IL1RAPL2: variants seen among roughly 807,000 people sequenced by gnomAD.
IL1RAPL2 encodes the protein interleukin 1 receptor accessory protein like 2.
Under a neutral mutation model 44.1 loss-of-function variants are expected in IL1RAPL2, and 3 were observed. The ratio of observed to expected loss-of-function variants is 0.07; its 90% confidence interval spans 0.03 to 0.18. The LOEUF (loss-of-function observed/expected upper bound fraction) is 0.18, where lower values mean the gene tolerates loss of function less well. Ranked by LOEUF, IL1RAPL2 falls within the 10% of genes least tolerant of loss-of-function variation. The probability of loss-of-function intolerance (pLI) is 1.00; values close to 1 mark genes in which losing one functional copy is unlikely to be tolerated. For synonymous variants in IL1RAPL2, 181 were observed against 178.8 expected (o/e 1.01, Z -0.10); for missense variants, 391 against 496.4 (o/e 0.79, Z 2.02).
intron 1 of IL1RAPL2, among the ~76,000 whole-genome samples, chrX:104,646,865 G>A (rs765353542): frequency 8.9e-6 from 1 of 111,739 alleles, no homozygotes; most frequent in Non-Finnish European, 1.9e-5. Flanking sequence ...AATGGGGCCA[G>A]GAAGTGCGGT....
At chrX:105,035,703 A>G (rs765363720) in intron 2 of IL1RAPL2, among the ~76,000 whole-genome samples, 1 of 112,684 alleles carries the variant, frequency 8.9e-6, no homozygotes, top group East Asian at 2.8e-4. Flanking sequence ...ATTCTCACAA[A>G]TAAAATATTA....
chrX:104,663,254 A>G (rs1569292284), intron 2 of IL1RAPL2, among the ~76,000 whole-genome samples: 1 of 111,829 alleles, frequency 8.9e-6, no homozygotes, highest in Non-Finnish European at 1.9e-5. Context: ...AGGCAAAAGT[A>G]GAGGTTATAT....
intron 6 of IL1RAPL2, among the ~76,000 whole-genome samples, chrX:105,598,273 T>C (rs943614901): frequency 1.1e-4 from 12 of 109,776 alleles, no homozygotes; most frequent in Non-Finnish European, 2.3e-4. Flanking sequence ...GTCAAACACA[T>C]AGAAACAGAA....
chrX:104,751,841 C>T (rs1783658474), intron 2 of IL1RAPL2, among the ~76,000 whole-genome samples: 2 of 111,068 alleles, frequency 1.8e-5, no homozygotes, highest in Non-Finnish European at 3.8e-5. Flanking sequence ...GTTCAAATCT[C>T]GTTATTTAAC....
At chrX:105,605,767 C>G (rs921569034) in intron 6 of IL1RAPL2, among the ~76,000 whole-genome samples, 1 of 110,752 alleles carries the variant, frequency 9.0e-6, no homozygotes, top group African/African-American at 3.3e-5. Flanking sequence ...ACAAATAGAA[C>G]AGAATGGAGA....
chrX:104,650,043 C>T (rs979578360), intron 1 of IL1RAPL2, among the ~76,000 whole-genome samples: 3 of 111,292 alleles, frequency 2.7e-5, no homozygotes, highest in East Asian at 5.7e-4. Flanking sequence ...AATACTAATG[C>T]CTTCATTAGC....
At chrX:104,731,973 C>T (rs1931928252) in intron 2 of IL1RAPL2, among the ~76,000 whole-genome samples, 1 of 112,136 alleles carries the variant, frequency 8.9e-6, no homozygotes. Flanking sequence ...ACCTCTTTCT[C>T]TGACCACACT....
At chrX:105,356,181 TG>T (rs2035201632) in intron 5 of IL1RAPL2, among the ~76,000 whole-genome samples, 1 of 99,148 alleles carries the variant, frequency 1.0e-5, no homozygotes, top group African/African-American at 5.1e-5. Context: ...TGTGTGTGTG[TG>T]TGGTTTGTTT....
rs759143308 is a variant in IL1RAPL2 at position 104,592,037 on chromosome X, ATTTG to A, written c.-20+25010_-20+25013del. Among the ~76,000 whole-genome samples the A allele has an allele frequency of 9.0e-3, 979 of 108,981 alleles. 12 individuals are homozygous for A. Among genetic ancestry groups the A allele is most frequent in the African/African-American group, 0.03 (902 of 29,955 alleles). 94.6% of individuals were successfully genotyped at this position (108,981 alleles called of 115,157 possible). The stretch of plus-strand genomic sequence containing the variant: ...AAAAGGCATGAGAATTATTTTAGGT[ATTTG>A]TTTGTTTGTTTGTTTGTTTGTTTTT... On this transcript the variant is annotated intron_variant, in intron 1 of 10. Coordinates refer to ENST00000372582, the MANE Select transcript of IL1RAPL2 (RefSeq NM_017416.2).
intron 6 of IL1RAPL2, among the ~76,000 whole-genome samples, chrX:105,663,935 C>CT (rs1244350102): frequency 8.9e-6 from 1 of 111,765 alleles, no homozygotes; most frequent in Admixed American, 9.6e-5. Context: ...TGAAAAATGC[C>CT]TTTTTATTTA....
intron 3 of IL1RAPL2, among the ~76,000 whole-genome samples, chrX:105,231,065 A>T (rs2034065565): frequency 1.8e-5 from 2 of 112,210 alleles, no homozygotes; most frequent in South Asian, 3.7e-4. Context: ...ATTTTTTAAC[A>T]AGTATGTCTC....
At chrX:105,236,044 G>A (rs782358108) in intron 4 of IL1RAPL2, among the ~76,000 whole-genome samples, 1 of 112,414 alleles carries the variant, frequency 8.9e-6, no homozygotes, top group Non-Finnish European at 1.9e-5. Context: ...TGGTGCAGTG[G>A]AGCCTGGCCA....
intron 5 of IL1RAPL2, among the ~76,000 whole-genome samples, chrX:105,358,794 A>G (rs762376819): frequency 1.8e-5 from 2 of 111,969 alleles, no homozygotes; most frequent in Admixed American, 9.5e-5. Flanking sequence ...ATCTTCATCG[A>G]ATAACTATGG....
At chrX:104,941,460 G>T (rs573698622) in intron 2 of IL1RAPL2, among the ~76,000 whole-genome samples, 6 of 111,844 alleles carry the variant, frequency 5.4e-5, no homozygotes, top group African/African-American at 1.3e-4. Context: ...TCAGTGATGA[G>T]GAGCATTTTT....
intron 2 of IL1RAPL2, among the ~76,000 whole-genome samples, chrX:105,122,930 C>T (rs1245384788): frequency 2.7e-5 from 3 of 111,377 alleles, no homozygotes; most frequent in Non-Finnish European, 5.7e-5. Flanking sequence ...ATTAGCCTTG[C>T]ATCTGGATGT....
chrX:105,240,861 A>G (rs1023511632), intron 4 of IL1RAPL2, among the ~76,000 whole-genome samples: 7 of 111,649 alleles, frequency 6.3e-5, no homozygotes, highest in African/African-American at 2.0e-4. Context: ...GTGGTAGCTA[A>G]CGCCTGTCAT....
chrX:104,805,425 G>A (rs1260044289), intron 2 of IL1RAPL2, among the ~76,000 whole-genome samples: 1 of 112,068 alleles, frequency 8.9e-6, no homozygotes, highest in Non-Finnish European at 1.9e-5. Flanking sequence ...CAATTTGATA[G>A]TAATTTATCT....
rs775209498 is a variant in IL1RAPL2 at position 104,783,405 on chromosome X, A to G, written c.82+124410A>G. On this transcript the variant is annotated intron_variant, in intron 2 of 10. Coordinates refer to ENST00000372582, the MANE Select transcript of IL1RAPL2 (RefSeq NM_017416.2). Reference sequence around the variant, plus strand: ...CAGTTGCCCAGGTTTATCTCTATAAACCAGAATCAACACCAACCGACTCTT... The same window carrying G: ...CAGTTGCCCAGGTTTATCTCTATAAGCCAGAATCAACACCAACCGACTCTT... Among the ~76,000 whole-genome samples the G allele has an allele frequency of 2.5e-4, 28 of 110,819 alleles. No individual in the cohort carries two copies. The East Asian group carries it at 5.1e-3, about 20-fold the overall frequency.
intron 2 of IL1RAPL2, among the ~76,000 whole-genome samples, chrX:104,672,626 T>G (rs1254791582): frequency 9.7e-6 from 1 of 103,288 alleles, no homozygotes; most frequent in Non-Finnish European, 2.0e-5. Context: ...ATGGGATGGC[T>G]GGGTCAAATG....
Sources: gnomAD v4.1 joint callset for allele counts (sites outside exome capture counted in the v4.1 genomes callset) on GRCh38, gnomAD v4.1.1 for gene constraint, MANE v1.5 for transcripts, NCBI Gene and HGNC (gene_info 2026-07-23, HGNC 2026-07-21) for gene names.